Variants in RNGTT observed in about 807,000 individuals in gnomAD.
RNGTT encodes the protein RNA guanylyltransferase and 5'-phosphatase, also known as mRNA-capping enzyme.
RNGTT carries 33 observed loss-of-function variants against 79.3 expected under a neutral mutation model. The ratio of observed to expected loss-of-function variants is 0.42; its 90% CI spans 0.32 to 0.56. The LOEUF (loss-of-function observed/expected upper bound fraction) is 0.56, where lower values mean the gene tolerates loss of function less well. RNGTT is among the 20% of genes least tolerant of loss of function. RNGTT has a pLI of 0.17. For missense variants in RNGTT, 497 were observed against 739.1 expected, an observed-to-expected ratio of 0.67 and a Z score of 3.80; for synonymous variants, 222 against 235.9, an observed-to-expected ratio of 0.94 and a Z score of 0.54.
chr6:88,751,455 C>G (rs1052454472), intron 13 of RNGTT, among the ~76,000 whole-genome samples: 2 of 152,058 alleles, frequency 1.3e-5, no homozygotes, highest in Non-Finnish European at 2.9e-5. Context: ...AACATATTAA[C>G]TATAGTAATT....
At chr6:88,834,895 C>T (rs867397883) in intron 11 of RNGTT, among the ~76,000 whole-genome samples, 1 of 151,832 alleles carries the variant, frequency 6.6e-6, no homozygotes, top group Non-Finnish European at 1.5e-5. Flanking sequence ...ACGAAGCATG[C>T]AAATAACTAA....
At position 88,818,500 on chromosome 6, in the gene RNGTT, G is replaced by C. The variant is rs111442773; in HGVS notation, c.1270-16868C>G. On this transcript the variant is annotated intron_variant, in intron 11 of 15. Coordinates refer to ENST00000369485, the MANE Select transcript of RNGTT (RefSeq NM_003800.5). ...CAGGAGAGAAGAATCGCTTGAACCCGGGAGGCAGAGGTTGCAGTGAGCCAA... is the reference window on the plus strand; with the variant it reads ...CAGGAGAGAAGAATCGCTTGAACCCCGGAGGCAGAGGTTGCAGTGAGCCAA... Among the ~76,000 whole-genome samples the C allele has an allele frequency of 2.5e-3, 378 of 152,250 alleles. 2 individuals carry two copies. Among genetic ancestry groups the C allele is most frequent in the African/African-American group, 8.7e-3 (360 of 41,538 alleles).
At chr6:88,826,669 A>C (rs1203595273) in intron 11 of RNGTT, among the ~76,000 whole-genome samples, 2 of 151,212 alleles carry the variant, frequency 1.3e-5, no homozygotes, top group Admixed American at 6.6e-5. Flanking sequence ...TGTAATCTCA[A>C]CTACTTGGGA....
intron 13 of RNGTT, among the ~76,000 whole-genome samples, chr6:88,766,726 TAA>T (rs1327492984): frequency 1.3e-5 from 2 of 152,114 alleles, no homozygotes; most frequent in Non-Finnish European, 2.9e-5. Flanking sequence ...CTAGAATGCC[TAA>T]GTCTTCATTT....
chr6:88,802,697 G>A (rs1779830303), intron 11 of RNGTT, among the ~76,000 whole-genome samples: 1 of 152,138 alleles, frequency 6.6e-6, no homozygotes, highest in African/African-American at 2.4e-5. Context: ...GCAAAGGCAT[G>A]GTCTTACATG....
At chr6:88,718,987 T>C (rs1429901244) in intron 13 of RNGTT, among the ~76,000 whole-genome samples, 2 of 152,160 alleles carry the variant, frequency 1.3e-5, no homozygotes, top group Admixed American at 6.5e-5. Flanking sequence ...GATACATATT[T>C]AGAGTTACAA....
chr6:88,773,802 T>A (rs1281513111), intron 12 of RNGTT, among the ~76,000 whole-genome samples: 2 of 152,134 alleles, frequency 1.3e-5, no homozygotes, highest in Non-Finnish European at 1.5e-5. Context: ...CCTCATACCA[T>A]ATACAAAGAT....
At chr6:88,731,158 G>A (rs1240744257) in intron 13 of RNGTT, among the ~76,000 whole-genome samples, 2 of 151,542 alleles carry the variant, frequency 1.3e-5, no homozygotes, top group Non-Finnish European at 2.9e-5. Context: ...AACAACAAAG[G>A]AAAGAATAAA....
At chr6:88,955,451 G>A (rs561583437) in intron 1 of RNGTT, among the ~76,000 whole-genome samples, 1 of 151,474 alleles carries the variant, frequency 6.6e-6, no homozygotes, top group East Asian at 2.0e-4. Flanking sequence ...TCAGGAGGCT[G>A]AGGCAGCAGA....
Position 88,612,532 on chromosome 6 carries a change from G to A in RNGTT, c.*187C>T. On this transcript the variant is annotated 3_prime_UTR_variant, in exon 16 of 16. Coordinates refer to ENST00000369485, the MANE Select transcript of RNGTT (RefSeq NM_003800.5). Reference sequence around the variant, plus strand: ...ATGTTTAAGTCCACGATGTATTGCAGCACTGAGGAAACGAATGCATCAAGT... The same window carrying A: ...ATGTTTAAGTCCACGATGTATTGCAACACTGAGGAAACGAATGCATCAAGT... 2 of 608,124 alleles carry A rather than the reference G, an allele frequency of 3.3e-6. No homozygotes were observed. The highest frequency in any genetic ancestry group is 2.0e-5 in the South Asian group (1 of 49,090). The allele number at this position is 608,124 out of a possible 1,614,324, so 37.7% of individuals were successfully genotyped here.
Position 88,612,061 on chromosome 6 carries a change from G to T in RNGTT, c.*658C>A, listed in dbSNP as rs1439119669. 1 of 152,482 alleles carries T rather than the reference G, an allele frequency of 6.6e-6. No individual in the cohort carries two copies. The highest frequency in any genetic ancestry group is 1.5e-5 in the Non-Finnish European group (1 of 68,036). The allele number at this position is 152,482 out of a possible 1,614,324, so 9.4% of individuals were successfully genotyped here. On this transcript the variant is annotated 3_prime_UTR_variant, in exon 16 of 16. Transcript: ENST00000369485. ...CATAGTCGAAACAATACAAACAGAT[G>T]AAAATACTCAAAATACTTCCTTTAG...
At chr6:88,823,968 A>T (rs1780575982) in intron 11 of RNGTT, among the ~76,000 whole-genome samples, 1 of 152,210 alleles carries the variant, frequency 6.6e-6, no homozygotes, top group African/African-American at 2.4e-5. Flanking sequence ...CAGTAACTGT[A>T]AAAGAAAATC....
intron 14 of RNGTT, among the ~76,000 whole-genome samples, chr6:88,620,039 T>C (rs1374595354): frequency 1.3e-5 from 2 of 152,212 alleles, no homozygotes; most frequent in Non-Finnish European, 2.9e-5. Context: ...ACGTGTCACG[T>C]TACCTTTTTA....
intron 14 of RNGTT, among the ~76,000 whole-genome samples, chr6:88,670,967 G>A (rs962865709): frequency 6.6e-6 from 1 of 152,114 alleles, no homozygotes; most frequent in African/African-American, 2.4e-5. Context: ...GGTACTAAAA[G>A]CCATCAATGA....
At chr6:88,904,234 G>A (rs1258117483) in intron 6 of RNGTT, among the ~76,000 whole-genome samples, 1 of 151,908 alleles carries the variant, frequency 6.6e-6, no homozygotes, top group Non-Finnish European at 1.5e-5. Context: ...AAAAATTTAC[G>A]TAACTGCAAT....
At chr6:88,877,085 T>C (rs1408611446) in intron 8 of RNGTT, among the ~76,000 whole-genome samples, 2 of 152,242 alleles carry the variant, frequency 1.3e-5, no homozygotes, top group African/African-American at 4.8e-5. Context: ...AGATTTGGTT[T>C]TAAAATGTTA....
At chr6:88,789,508 C>T (rs1487441499) in intron 12 of RNGTT, among the ~76,000 whole-genome samples, 2 of 152,042 alleles carry the variant, frequency 1.3e-5, no homozygotes, top group Non-Finnish European at 2.9e-5. Context: ...TGCAGTGAGC[C>T]GAGATTGCAC....
At chr6:88,793,774 C>T (rs551036435) in intron 12 of RNGTT, among the ~76,000 whole-genome samples, 3 of 151,876 alleles carry the variant, frequency 2.0e-5, no homozygotes, top group Non-Finnish European at 4.4e-5. Context: ...CCAGCCTGGG[C>T]GACAGAGAAA....
intron 5 of RNGTT, 47 bp from the exon 6 acceptor site, chr6:88,905,002 T>C: frequency 6.3e-7 from 1 of 1,587,708 alleles, no homozygotes; most frequent in Non-Finnish European, 8.6e-7. Flanking sequence ...CCTCTATTTA[T>C]GCAGGCTTAT....
Sources: gnomAD v4.1 joint callset for allele counts (sites outside exome capture counted in the v4.1 genomes callset) on GRCh38, gnomAD v4.1.1 for gene constraint, MANE v1.5 for transcripts, NCBI Gene and HGNC (gene_info 2026-07-23, HGNC 2026-07-21) for gene names.